Variants in MAU2 observed in about 807,000 individuals in gnomAD.
MAU2 encodes MAU2 chromatid cohesion factor homolog.
MAU2 carries 9 observed loss-of-function variants against 89.1 expected under a neutral mutation model. The ratio of observed to expected loss-of-function variants is 0.10; its 90% CI spans 0.06 to 0.18. The LOEUF is 0.18. Among genes scored for constraint, MAU2 ranks in the 10% least tolerant of loss-of-function variants. The pLI is 1.00. For synonymous variants in MAU2, 357 were observed against 343.4 expected (o/e 1.04, Z -0.44); for missense variants, 425 against 803.5 (o/e 0.53, Z 5.69).
At chr19:19,333,531 A>G (rs151155758) in intron 1 of MAU2, among the ~76,000 whole-genome samples, 1 of 152,354 alleles carries the variant, frequency 6.6e-6, no homozygotes, top group African/African-American at 2.4e-5. Context: ...TGTTGGACCC[A>G]CATGGGCCTG....
intron 2 of MAU2, 144 bp downstream of exon 2, chr19:19,335,879 G>T: frequency 1.1e-6 from 1 of 911,542 alleles, no homozygotes; most frequent in Non-Finnish European, 1.8e-6. Flanking sequence ...CCCCCACCTG[G>T]CCCTCTGCTG....
At position 19,355,183 on chromosome 19, in the gene MAU2, T is replaced by C. The variant is rs553114562; in HGVS notation, c.1640-81T>C. On this transcript the variant is annotated intron_variant, in intron 17 of 18. Transcript: ENST00000262815. ...CACCAGTGCAGCTGGGACTTGACCTTAGGGCTCCATCTGCACCGAGTGGGA... is the reference window on the plus strand; with the variant it reads ...CACCAGTGCAGCTGGGACTTGACCTCAGGGCTCCATCTGCACCGAGTGGGA... The C allele has an allele frequency of 4.1e-4, 651 of 1,571,684 alleles. 1 individual carries two copies. In the African/African-American group the frequency reaches 8.0e-3, roughly 19 times the overall value.
chr19:19,343,997 T>A, intron 10 of MAU2, 57 bp downstream of exon 10: 1 of 1,426,786 alleles, frequency 7.0e-7, no homozygotes, highest in East Asian at 2.3e-5. Context: ...GTCTCAGCAG[T>A]GTCAGACAAG....
At chr19:19,321,660 G>T (rs1399146106) in intron 1 of MAU2, 1 of 152,540 alleles carries the variant, frequency 6.6e-6, no homozygotes, top group Non-Finnish European at 1.5e-5. Context: ...GGACACAGAA[G>T]TTTGGTAATC....
At chr19:19,337,563 T>C (rs1230293813) in intron 4 of MAU2, among the ~76,000 whole-genome samples, 1 of 152,180 alleles carries the variant, frequency 6.6e-6, no homozygotes, top group Non-Finnish European at 1.5e-5. Context: ...TTGTTGGGTG[T>C]CTTTGGGTTC....
intron 1 of MAU2, among the ~76,000 whole-genome samples, chr19:19,325,157 T>C (rs986415051): frequency 5.3e-5 from 8 of 152,058 alleles, no homozygotes; most frequent in African/African-American, 1.9e-4. Context: ...TCTTTTTATT[T>C]TTATTGTTAC....
rs2146715561 is a variant in MAU2, at chr19:19,355,592, G to T, written c.1768-116G>T. The T allele has an allele frequency of 2.5e-6, 3 of 1,210,716 alleles. No homozygotes were observed. In the East Asian group the frequency reaches 7.2e-5, roughly 29 times the overall value. 75.0% of individuals were successfully genotyped at this position (1,210,716 alleles called of 1,614,324 possible). A position where few individuals can be genotyped will look rare whatever the true frequency, so the allele number is the denominator to read the frequency against. ...GTCTCCTCGGGGCCCATTGGACTGG[G>T]GCATGGAGAACAGAGTCCCGGCTGT... On this transcript the variant is annotated intron_variant, in intron 18 of 18. Transcript: ENST00000262815.
intron 1 of MAU2, among the ~76,000 whole-genome samples, chr19:19,328,748 A>G (rs970303412): frequency 2.0e-5 from 3 of 152,100 alleles, no homozygotes; most frequent in African/African-American, 7.2e-5. Context: ...ACTTCTGATC[A>G]CAGTCCCTTT....
At chr19:19,339,029 T>C in intron 5 of MAU2, 90 bp downstream of exon 5, 1 of 1,005,706 alleles carries the variant, frequency 9.9e-7, no homozygotes, top group Non-Finnish European at 1.5e-6. Context: ...AAATGGCATT[T>C]CAGGTGAAGT....
rs763320500 is a variant in MAU2 at position 19,336,184 on chromosome 19, A to G, written c.357A>G (p.Gln119=). The part of the protein sequence containing the change: ...AASLLSELYC[Q]ENSVDAAKPL... ...GTCTGTTGTCTGAATTGTACTGTCA[A>G]GAGGTAAGAACATATTAAGGTTTCT... The change falls in exon 3 of 19, where the codon CAA becomes CAG. Residue 119 remains glutamine (Q), a synonymous_variant. Transcript: ENST00000262815. 2.5e-6 allele frequency: 4 copies of G among 1,610,796 alleles called. No individual in the cohort carries two copies. In the African/African-American group the frequency reaches 5.3e-5, roughly 22 times the overall value.
intron 3 of MAU2, among the ~76,000 whole-genome samples, chr19:19,336,728 A>G (rs1417630387): frequency 1.3e-5 from 2 of 152,102 alleles, no homozygotes; most frequent in Non-Finnish European, 1.5e-5. Flanking sequence ...AAGTCTGTAC[A>G]GTTTCTCTTC....
intron 1 of MAU2, among the ~76,000 whole-genome samples, chr19:19,323,444 T>C (rs1324216897): frequency 6.6e-6 from 1 of 152,214 alleles, no homozygotes; most frequent in South Asian, 2.1e-4. Flanking sequence ...TCCGCCCATC[T>C]TGTCCTCCCA....
chr19:19,347,346 G>A lies in MAU2; in HGVS notation c.1288G>A (p.Gly430Arg). The stretch of plus-strand genomic sequence containing the variant: ...CCTGGCGAGTGTGTATATACGGGAA[G>A]GAAATAGACACCAAGAGGTAGTAGG... ...TNLASVYIRE[G>R]NRHQEVLYSL... Residue 430 changes from glycine (G) to arginine (R), a missense_variant, in exon 13 of 19, where the codon GGA (glycine) becomes AGA (arginine). By Grantham distance (125) the Gly-to-Arg change is moderately radical. Around this residue, in one of 11 missense-constraint regions of MAU2, gnomAD observed 66 missense variants for 129.1 expected, o/e 0.51. Transcript: ENST00000262815. The A allele has an allele frequency of 6.2e-7, 1 of 1,613,588 alleles. No homozygotes were observed. Among genetic ancestry groups the A allele is most frequent in the Non-Finnish European group, 8.5e-7 (1 of 1,179,676 alleles).
At chr19:19,348,579 G>T in intron 13 of MAU2, 1 of 534,970 alleles carries the variant, frequency 1.9e-6, no homozygotes, top group Non-Finnish European at 3.4e-6. Flanking sequence ...ACGGGCCCCA[G>T]CCTGCCAACC....
At chr19:19,355,145 G>T in intron 17 of MAU2, 119 bp from the exon 18 acceptor site, 1 of 1,313,442 alleles carries the variant, frequency 7.6e-7, no homozygotes, top group Non-Finnish European at 1.0e-6. Flanking sequence ...GACGTGCCAG[G>T]CACCCAGAGA....
At chr19:19,355,552 G>T in intron 18 of MAU2, 156 bp from the exon 19 acceptor site, 1 of 1,231,126 alleles carries the variant, frequency 8.1e-7, no homozygotes, top group South Asian at 1.4e-5. Context: ...CCCCACCCAA[G>T]CAAGGGACCC....
At chr19:19,321,577 G>A (rs1421375672) in intron 1 of MAU2, 1 of 156,374 alleles carries the variant, frequency 6.4e-6, no homozygotes, top group Admixed American at 6.5e-5. Flanking sequence ...GTTGGCGAAG[G>A]CGAGACCCCT....
intron 16 of MAU2, among the ~76,000 whole-genome samples, chr19:19,352,023 A>G (rs2061749307): frequency 6.6e-6 from 1 of 151,032 alleles, no homozygotes; most frequent in Non-Finnish European, 1.5e-5. Flanking sequence ...TTATTTTTGT[A>G]TTTTTAGTAG....
At chr19:19,326,716 A>ACACATATATATATGTG (rs1380736275) in intron 1 of MAU2, among the ~76,000 whole-genome samples, 28 of 118,424 alleles carry the variant, frequency 2.4e-4, no homozygotes, top group Non-Finnish European at 3.7e-4. Context: ...ATATATATAT[A>ACACATATATATATGTG]TATACATATA....
Sources: gnomAD v4.1 joint callset for allele counts (sites outside exome capture counted in the v4.1 genomes callset) on GRCh38, gnomAD v4.1.1 for gene constraint, gnomAD v4.1.1 regional missense constraint, MANE v1.5 for transcripts, NCBI Gene and HGNC (gene_info 2026-07-23, HGNC 2026-07-21) for gene names.